The following OPCML variants were observed in gnomAD, a reference collection of about 807,000 sequenced individuals.
OPCML encodes the protein opioid-binding protein/cell adhesion molecule.
OPCML carries 13 observed loss-of-function variants against 37.8 expected under a neutral mutation model. The ratio of observed to expected loss-of-function variants is 0.34; its 90% CI spans 0.22 to 0.55. OPCML has a LOEUF of 0.55. Among genes scored for constraint, OPCML ranks in the 20% least tolerant of loss-of-function variants. The probability of loss-of-function intolerance (pLI) is 0.91; values close to 1 mark genes in which losing one functional copy is unlikely to be tolerated. For synonymous variants in OPCML, 176 were observed against 168.8 expected (o/e 1.04, Z -0.33); for missense variants, 341 against 435.6 (o/e 0.78, Z 1.93).
rs558762928 is a variant in OPCML, at chr11:132,755,272, T to C, written c.147-97953A>G. Among the ~76,000 whole-genome samples the C allele has an allele frequency of 3.4e-4, 52 of 152,334 alleles. 1 individual carries two copies. In the South Asian group the frequency reaches 6.0e-3, roughly 18 times the overall value. ...AAAGTTAATTACACCCACTATGGCA[T>C]CTCTTTCATAAATATTTAATATATA... On this transcript the variant is annotated intron_variant, in intron 2 of 7. Transcript: ENST00000524381.
intron 1 of OPCML, among the ~76,000 whole-genome samples, chr11:133,085,998 C>T (rs1487127843): frequency 6.6e-6 from 1 of 152,174 alleles, no homozygotes; most frequent in Non-Finnish European, 1.5e-5. Flanking sequence ...TTGCTTTATT[C>T]CATCCTCAGA....
At chr11:132,683,136 C>G (rs149469035) in intron 2 of OPCML, among the ~76,000 whole-genome samples, 58 of 152,182 alleles carry the variant, frequency 3.8e-4, no homozygotes, top group Non-Finnish European at 8.4e-4. Context: ...AAAGCAAGAC[C>G]GAGTGTGGTG....
intron 1 of OPCML, among the ~76,000 whole-genome samples, chr11:133,204,868 G>GTATGTATATATATATATATA (rs1938966892): frequency 8.5e-6 from 1 of 117,330 alleles, no homozygotes. Flanking sequence ...ATATATATGT[G>GTATGTATATATATATATATA]TATATATATA....
intron 2 of OPCML, among the ~76,000 whole-genome samples, chr11:132,743,602 A>C (rs900667151): frequency 1.3e-5 from 2 of 152,240 alleles, no homozygotes; most frequent in Non-Finnish European, 2.9e-5. Context: ...GATTAGAAGA[A>C]TATAACTACT....
chr11:133,273,073 G>A (rs982144154), intron 1 of OPCML, among the ~76,000 whole-genome samples: 1 of 152,136 alleles, frequency 6.6e-6, no homozygotes. Flanking sequence ...GGCTGCCAGG[G>A]GTTTCAAGGA....
At chr11:133,524,836 G>GGGGACAAGCTGCTGGGC in intron 1 of OPCML, among the ~76,000 whole-genome samples, 1 of 152,254 alleles carries the variant, frequency 6.6e-6, no homozygotes, top group Admixed American at 6.5e-5. Context: ...TCATTCTGCA[G>GGGGACAAGCTGCTGGGC]GGGACAAGCT....
At chr11:132,490,388 C>A (rs914325894) in intron 4 of OPCML, among the ~76,000 whole-genome samples, 1 of 152,066 alleles carries the variant, frequency 6.6e-6, no homozygotes, top group Non-Finnish European at 1.5e-5. Flanking sequence ...AAAGGCGCTG[C>A]CTTTTCTCCC....
At chr11:133,025,761 T>G in intron 1 of OPCML, among the ~76,000 whole-genome samples, 1 of 135,388 alleles carries the variant, frequency 7.4e-6, no homozygotes, top group Non-Finnish European at 1.5e-5. Flanking sequence ...TGAGATGGAG[T>G]CTCGATCTGT....
intron 2 of OPCML, among the ~76,000 whole-genome samples, chr11:132,792,676 C>T (rs1047834775): frequency 6.6e-6 from 1 of 151,796 alleles, no homozygotes; most frequent in South Asian, 2.1e-4. Flanking sequence ...GAGGGGGTGG[C>T]GGAGGGGATG....
At chr11:132,635,129 G>A (rs2135705473) in intron 3 of OPCML, among the ~76,000 whole-genome samples, 1 of 152,186 alleles carries the variant, frequency 6.6e-6, no homozygotes, top group African/African-American at 2.4e-5. Flanking sequence ...AACAACTTTT[G>A]GGTATAGATT....
At chr11:133,494,708 C>A (rs1947742502) in intron 1 of OPCML, among the ~76,000 whole-genome samples, 1 of 114,014 alleles carries the variant, frequency 8.8e-6, no homozygotes. Flanking sequence ...ACATCACACT[C>A]TGGGGACTGT....
chr11:132,795,850 A>C (rs1938276527), intron 2 of OPCML, among the ~76,000 whole-genome samples: 1 of 152,212 alleles, frequency 6.6e-6, no homozygotes, highest in Non-Finnish European at 1.5e-5. Context: ...GGTCTGCCTA[A>C]GTTGTAAGCT....
At chr11:133,079,814 C>T (rs1435671358) in intron 1 of OPCML, among the ~76,000 whole-genome samples, 8 of 152,118 alleles carry the variant, frequency 5.3e-5, no homozygotes, top group Non-Finnish European at 8.8e-5. Flanking sequence ...TCCCGCATCC[C>T]CCAACCTTCT....
chr11:133,350,040 C>T (rs1944095950), intron 1 of OPCML, among the ~76,000 whole-genome samples: 1 of 152,198 alleles, frequency 6.6e-6, no homozygotes, highest in African/African-American at 2.4e-5. Flanking sequence ...CAGAGCCTTC[C>T]TGTCCTTTTA....
In OPCML at chr11:132,616,288, T is replaced by G. The variant is rs540337661; in HGVS notation, c.379+40799A>C. Among the ~76,000 whole-genome samples the G allele has an allele frequency of 8.5e-4, 130 of 152,332 alleles. 2 individuals are homozygous for G. The South Asian group carries it at 0.026, about 31-fold the overall frequency. On this transcript the variant is annotated intron_variant, in intron 3 of 7. Transcript: ENST00000524381. Reference sequence around the variant, plus strand: ...GATTTTTACACACACGCATACCGGTTAAACTAATGCACACACTGTTAGTAA... The same window carrying G: ...GATTTTTACACACACGCATACCGGTGAAACTAATGCACACACTGTTAGTAA...
chr11:133,218,839 T>C (rs1939696025), intron 1 of OPCML, among the ~76,000 whole-genome samples: 1 of 152,206 alleles, frequency 6.6e-6, no homozygotes, highest in South Asian at 2.1e-4. Flanking sequence ...TCAGAAATTA[T>C]ACATGGACCC....
At chr11:132,633,743 A>G (rs10791244) in intron 3 of OPCML, among the ~76,000 whole-genome samples, 46,671 of 151,988 alleles carry the variant, frequency 0.31, 7,706 homozygotes, top group African/African-American at 0.44. Context: ...TGGGGACAGC[A>G]GGAGGGAAAG....
At chr11:132,520,732 A>G (rs888387519) in intron 4 of OPCML, among the ~76,000 whole-genome samples, 1 of 151,044 alleles carries the variant, frequency 6.6e-6, no homozygotes, top group Non-Finnish European at 1.5e-5. Context: ...ATAAAGTTGT[A>G]TTTATAAAGT....
intron 1 of OPCML, among the ~76,000 whole-genome samples, chr11:133,516,578 C>G (rs902137104): frequency 3.3e-5 from 5 of 152,122 alleles, no homozygotes; most frequent in African/African-American, 7.2e-5. Flanking sequence ...TTGAAAAATT[C>G]CAACTCTACC....
Sources: gnomAD v4.1 joint callset for allele counts (sites outside exome capture counted in the v4.1 genomes callset) on GRCh38, gnomAD v4.1.1 for gene constraint, MANE v1.5 for transcripts, NCBI Gene and HGNC (gene_info 2026-07-23, HGNC 2026-07-21) for gene names.